The following LRP2 variants were observed in gnomAD, a reference collection of about 807,000 sequenced individuals.
LRP2 encodes LDL receptor related protein 2.
LRP2 carries 172 observed loss-of-function variants against 531.0 expected under a neutral mutation model. The ratio of observed to expected loss-of-function variants is 0.32; its 90% CI spans 0.29 to 0.37. The LOEUF (loss-of-function observed/expected upper bound fraction) is 0.37, where lower values mean the gene tolerates loss of function less well. Among genes scored for constraint, LRP2 ranks in the 10% least tolerant of loss-of-function variants. The probability of loss-of-function intolerance (pLI) is 1.00; values close to 1 mark genes in which losing one functional copy is unlikely to be tolerated. For synonymous variants in LRP2, 1,992 were observed against 2,027.6 expected (o/e 0.98, Z 0.47); for missense variants, 5,167 against 5,868.3 (o/e 0.88, Z 3.90).
chr2:169,308,616 G>C (rs374363925), intron 3 of LRP2, among the ~76,000 whole-genome samples: 21 of 152,200 alleles, frequency 1.4e-4, no homozygotes, highest in African/African-American at 4.8e-4. Flanking sequence ...TTAATCCAGT[G>C]TATCATTGAT....
Position 169,318,815 on chromosome 2 carries a change from A to C in LRP2, c.257T>G (p.Val86Gly), listed in dbSNP as rs777608905. 3 of 1,614,124 alleles carry C rather than the reference A, an allele frequency of 1.9e-6. No individual in the cohort carries two copies. The highest frequency in any genetic ancestry group is 2.5e-6 in the Non-Finnish European group (3 of 1,180,008). ...SEGQCIPNSW[V>G]CDQDQDCDDG... is the part of the protein sequence containing the mutation. ...ATCACAGTCTTGATCTTGGTCACAC[A>C]CCCAGGAGTTGGGGATGCATTGTCC... Residue 86 changes from valine (V) to glycine (G), a missense_variant, in exon 3 of 79, where the codon GTG (valine) becomes GGG (glycine). Physicochemically the swap from Val to Gly is moderately radical, Grantham distance 109. Around this residue, in one of 6 missense-constraint regions of LRP2, gnomAD observed 2,811 missense variants for 3,058.0 expected, o/e 0.92. Coordinates refer to ENST00000649046, the MANE Select transcript of LRP2 (RefSeq NM_004525.3).
chr2:169,205,918 G>A, intron 40 of LRP2, 105 bp downstream of exon 40: 2 of 1,438,686 alleles, frequency 1.4e-6, no homozygotes, highest in Admixed American at 1.7e-5. Flanking sequence ...TGTAGCCATA[G>A]TTTTATAAGC....
At chr2:169,258,289 T>G (rs1286911329) in intron 17 of LRP2, among the ~76,000 whole-genome samples, 2 of 152,040 alleles carry the variant, frequency 1.3e-5, no homozygotes, top group Non-Finnish European at 2.9e-5. Context: ...TTAGATTCAT[T>G]CTCTCTAAAA....
rs201774754 is a variant in LRP2, at chr2:169,206,428, T to C, written c.7292A>G (p.Asp2431Gly). Residue 2431 changes from aspartate to glycine, a missense_variant, in exon 39 of 79, where the codon GAT becomes GGT. Asp to Gly is a moderately conservative substitution (Grantham distance 94). Transcript: ENST00000649046. ...TAAATTTTGTGTGAAGTAGATTCTA[T>C]CACTTACACTGTCATAGTCTAGAGA... ...VMSLDYDSVS[D>G]RIYFTQNLAS... 3 of 1,614,118 alleles carry C rather than the reference T, an allele frequency of 1.9e-6. No homozygotes were observed. The highest frequency in any genetic ancestry group is 2.5e-6 in the Non-Finnish European group (3 of 1,179,974).
At chr2:169,162,771 G>A (rs1264700973) in intron 62 of LRP2, among the ~76,000 whole-genome samples, 171 bp from the exon 63 acceptor site, 4 of 152,332 alleles carry the variant, frequency 2.6e-5, no homozygotes, top group African/African-American at 9.6e-5. Context: ...CCAACGTACT[G>A]TCAGTTGGAG....
intron 71 of LRP2, among the ~76,000 whole-genome samples, chr2:169,141,867 T>C (rs1334955851): frequency 2.6e-5 from 4 of 152,176 alleles, no homozygotes; most frequent in African/African-American, 9.6e-5. Flanking sequence ...AAACAGTTTT[T>C]TCTCCCTGGA....
At chr2:169,318,279 C>T (rs1432551230) in intron 3 of LRP2, among the ~76,000 whole-genome samples, 2 of 151,916 alleles carry the variant, frequency 1.3e-5, no homozygotes, top group Admixed American at 1.3e-4. Context: ...TCAAGCTCTC[C>T]CTATGGTGGC....
At chr2:169,350,544 C>A (rs1247273002) in intron 1 of LRP2, among the ~76,000 whole-genome samples, 3 of 151,640 alleles carry the variant, frequency 2.0e-5, no homozygotes. Context: ...ACCAGCATGG[C>A]AAAACCCCAT....
chr2:169,246,077 C>T (rs753398175), intron 21 of LRP2, among the ~76,000 whole-genome samples: 1 of 151,896 alleles, frequency 6.6e-6, no homozygotes. Context: ...TGCCTGTAGT[C>T]CTAGCTACTT....
rs570682829 is a variant in LRP2 at position 169,162,934 on chromosome 2, A to C, written c.11759-334T>G. ...TGTGAAACCAGCGTTGGCCTTTATG[A>C]GTGCTCAATAAGGCTTCATTATGTT... On this transcript the variant is annotated intron_variant, in intron 62 of 78. Coordinates refer to ENST00000649046, the MANE Select transcript of LRP2 (RefSeq NM_004525.3). Among the ~76,000 whole-genome samples, 6 of 152,382 alleles carry C rather than the reference A, an allele frequency of 3.9e-5. No individual in the cohort carries two copies. The South Asian group carries it at 1.2e-3, about 32-fold the overall frequency.
intron 35 of LRP2, among the ~76,000 whole-genome samples, chr2:169,214,455 AATGTAG>A (rs1688705941): frequency 6.6e-6 from 1 of 152,138 alleles, no homozygotes; most frequent in Admixed American, 6.6e-5. Context: ...AGAAAAATGA[AATGTAG>A]ATGTAGCTGG....
intron 33 of LRP2, 66 bp from the exon 34 acceptor site, chr2:169,220,629 G>A: frequency 2.8e-6 from 3 of 1,056,494 alleles, no homozygotes; most frequent in Middle Eastern, 2.0e-4. Flanking sequence ...CTGAGATGAA[G>A]GAGAACTTAT....
intron 2 of LRP2, among the ~76,000 whole-genome samples, chr2:169,319,252 A>G (rs1162175670): frequency 6.6e-6 from 1 of 152,262 alleles, no homozygotes; most frequent in Non-Finnish European, 1.5e-5. Flanking sequence ...GTAAAGTATC[A>G]TGATGAACTG....
Position 169,206,082 on chromosome 2 carries a change from G to C in LRP2, c.7497C>G (p.Asn2499Lys). The part of the protein sequence containing the change: ...MINSMAEDGS[N>K]RTVIARVPKP... ...TTGGAACGCGGGCTATCACAGTGCG[G>C]TTAGACCCATCTTCAGCCATGGAAT... Residue 2499 changes from asparagine to lysine, a missense_variant, in exon 40 of 79, where the codon AAC becomes AAG. This residue lies in a region of LRP2 where 1,129 missense variants were observed against 1,362.7 expected (regional missense o/e 0.83). Coordinates refer to ENST00000649046, the MANE Select transcript of LRP2 (RefSeq NM_004525.3). 1.2e-6 allele frequency: 2 copies of C among 1,614,210 alleles called. No homozygotes were observed. Among genetic ancestry groups the C allele is most frequent in the East Asian group, 2.2e-5 (1 of 44,884 alleles).
chr2:169,172,077 G>A lies in LRP2; in HGVS notation c.11201C>T (p.Pro3734Leu), dbSNP rs1293781540. ...DFRCKNHHCIPLRWQCDGQND... is the reference protein window; with the variant it reads ...DFRCKNHHCILLRWQCDGQND... The stretch of plus-strand genomic sequence containing the variant: ...TTGCCCATCACACTGCCAACGAAGA[G>A]GGATGCAGTGGTGATTTTTACAGCG... The change falls in exon 58 of 79, where the codon CCT becomes CTT. Residue 3734 changes from proline (P) to leucine (L), a missense_variant. Transcript: ENST00000649046. 6.2e-7 allele frequency: 1 copy of A among 1,614,176 alleles called. No individual in the cohort carries two copies. Among genetic ancestry groups the A allele is most frequent in the Non-Finnish European group, 8.5e-7 (1 of 1,180,008 alleles).
intron 1 of LRP2, among the ~76,000 whole-genome samples, chr2:169,329,107 G>C (rs1685197497): frequency 6.6e-6 from 1 of 152,148 alleles, no homozygotes; most frequent in South Asian, 2.1e-4. Context: ...AAAACTAACT[G>C]ACTTTGGCGA....
chr2:169,159,057 T>C lies in LRP2; in HGVS notation c.11888-1555A>G, dbSNP rs575409425. On this transcript the variant is annotated intron_variant, in intron 63 of 78. Transcript: ENST00000649046. ...CTTGTCATTCTTATCAGTTTGCTTCTTTTATCCTCCATCTATCCCCAAACC... is the reference window on the plus strand; with the variant it reads ...CTTGTCATTCTTATCAGTTTGCTTCCTTTATCCTCCATCTATCCCCAAACC... Among the ~76,000 whole-genome samples the C allele has an allele frequency of 2.0e-5, 3 of 152,258 alleles. No individual in the cohort carries two copies. The South Asian group carries it at 6.2e-4, about 32-fold the overall frequency.
intron 1 of LRP2, among the ~76,000 whole-genome samples, chr2:169,357,906 A>G (rs1686035938): frequency 6.6e-6 from 1 of 152,184 alleles, no homozygotes; most frequent in Admixed American, 6.5e-5. Context: ...AGCCTGCACT[A>G]CAAAACCCAA....
At chr2:169,277,343 TAG>T (rs1559053260) in intron 13 of LRP2, among the ~76,000 whole-genome samples, 1 of 152,114 alleles carries the variant, frequency 6.6e-6, no homozygotes, top group African/African-American at 2.4e-5. Context: ...TAATTCCCAG[TAG>T]GCAACATCAA....
Sources: gnomAD v4.1 joint callset for allele counts (sites outside exome capture counted in the v4.1 genomes callset) on GRCh38, gnomAD v4.1.1 for gene constraint, gnomAD v4.1.1 regional missense constraint, MANE v1.5 for transcripts, NCBI Gene and HGNC (gene_info 2026-07-23, HGNC 2026-07-21) for gene names.